ADGRA2: variants seen among roughly 807,000 people sequenced by gnomAD.
The protein encoded by ADGRA2 is G-protein coupled receptor 124.
ADGRA2 carries 61 observed loss-of-function variants against 98.7 expected under a neutral mutation model. The observed-to-expected ratio is 0.62, with a 90% CI of 0.50 to 0.76. The LOEUF is 0.76. Among genes scored for constraint, ADGRA2 ranks in the 30% least tolerant of loss-of-function variants. The probability of loss-of-function intolerance (pLI) is 0.00; values close to 1 mark genes in which losing one functional copy is unlikely to be tolerated. For missense variants in ADGRA2, 1,712 were observed against 1,860.0 expected (o/e 0.92, Z 1.46); for synonymous variants, 858 against 831.5 (o/e 1.03, Z -0.55).
At chr8:37,822,814 G>C (rs922517841) in intron 2 of ADGRA2, among the ~76,000 whole-genome samples, 1 of 151,942 alleles carries the variant, frequency 6.6e-6, no homozygotes, top group Non-Finnish European at 1.5e-5. Context: ...TCCTTTTAAT[G>C]GCCAGATAAT....
intron 2 of ADGRA2, among the ~76,000 whole-genome samples, chr8:37,823,862 C>T (rs1805192754): frequency 6.6e-6 from 1 of 152,092 alleles, no homozygotes; most frequent in African/African-American, 2.4e-5. Context: ...GATAAAATGT[C>T]TATTCAGATC....
At chr8:37,839,375 A>C in intron 15 of ADGRA2, 124 bp from the exon 16 acceptor site, 14 of 1,497,470 alleles carry the variant, frequency 9.3e-6, no homozygotes, top group Non-Finnish European at 1.3e-5. Flanking sequence ...GGCCTCTGTC[A>C]CATTCCCAAC....
chr8:37,817,783 A>G (rs1254114189), intron 2 of ADGRA2, among the ~76,000 whole-genome samples: 2 of 152,174 alleles, frequency 1.3e-5, no homozygotes, highest in Non-Finnish European at 2.9e-5. Flanking sequence ...TTGGGAGGCC[A>G]TGGCTGGCGG....
intron 2 of ADGRA2, among the ~76,000 whole-genome samples, chr8:37,826,097 G>T (rs1027744266): frequency 6.6e-6 from 1 of 152,100 alleles, no homozygotes; most frequent in Non-Finnish European, 1.5e-5. Flanking sequence ...GAGGGGGCCC[G>T]GGGAGGAAAT....
In ADGRA2 at chr8:37,829,982, T is replaced by C; in HGVS notation, c.686T>C (p.Leu229Pro). 1 of 1,597,558 alleles carries C rather than the reference T, an allele frequency of 6.3e-7. No individual in the cohort carries two copies. Among genetic ancestry groups the C allele is most frequent in the Non-Finnish European group, 8.5e-7 (1 of 1,174,856 alleles). The change falls in exon 6 of 19, where the codon CTG becomes CCG. Residue 229 changes from leucine (L) to proline (P), a missense_variant. Physicochemically the swap from Leu to Pro is moderately conservative, Grantham distance 98. Coordinates refer to ENST00000412232, the MANE Select transcript of ADGRA2 (RefSeq NM_032777.10). ...AYPSALHAQA[L>P]GSLQEAQLCC... is the part of the protein sequence containing the mutation. ...CCCAGTGCCCTGCATGCTCAGGCCC[T>C]GGGCAGCCTCCAGGAGGCCCAGCTC...
chr8:37,839,173 AC>A (rs1456825030), intron 15 of ADGRA2, 90 bp downstream of exon 15: 2 of 1,521,226 alleles, frequency 1.3e-6, no homozygotes, highest in Non-Finnish European at 1.8e-6. Flanking sequence ...TCCGGTACAT[AC>A]TTTCAATTCC....
chr8:37,817,798 C>A (rs1364327602), intron 2 of ADGRA2, among the ~76,000 whole-genome samples: 1 of 152,182 alleles, frequency 6.6e-6, no homozygotes, highest in African/African-American at 2.4e-5. Context: ...TGGCGGATCA[C>A]CTGAGGTTAG....
chr8:37,841,733 G>A lies in ADGRA2; in HGVS notation c.3395G>A (p.Gly1132Asp). 6.5e-7 allele frequency: 1 copy of A among 1,541,806 alleles called. No homozygotes were observed. Among genetic ancestry groups the A allele is most frequent in the Non-Finnish European group, 8.7e-7 (1 of 1,144,650 alleles). The change falls in exon 19 of 19, where the codon GGC (glycine) becomes GAC (aspartate). Residue 1132 changes from glycine to aspartate, a missense_variant. Gly to Asp is a moderately conservative substitution (Grantham distance 94). Coordinates refer to ENST00000412232, the MANE Select transcript of ADGRA2 (RefSeq NM_032777.10). The surrounding 1 kb of genome is among the most constrained non-coding windows in gnomAD (Gnocchi z 5.0). ...SGSSGHPLAL[G>D]PCKLTNLQLA... Reference sequence around the variant, plus strand: ...AGCAGCGGCCATCCGCTGGCTCTGGGCCCCTGCAAGCTCACCAACCTGCAG... The same window carrying A: ...AGCAGCGGCCATCCGCTGGCTCTGGACCCCTGCAAGCTCACCAACCTGCAG...
chr8:37,815,089 C>T (rs1250560833), intron 2 of ADGRA2, 122 bp downstream of exon 2: 13 of 738,262 alleles, frequency 1.8e-5, no homozygotes, highest in Middle Eastern at 3.8e-4. Flanking sequence ...GAGCAGGGCC[C>T]GGAGTTAGAC....
intron 1 of ADGRA2, among the ~76,000 whole-genome samples, chr8:37,809,963 A>G (rs1804779055): frequency 6.6e-6 from 1 of 152,112 alleles, no homozygotes; most frequent in East Asian, 1.9e-4. Flanking sequence ...TAGGTCCCCG[A>G]TCTGTCGCTC....
Position 37,830,098 on chromosome 8 carries a change from A to G in ADGRA2, c.718+84A>G. 1 of 913,604 alleles carries G rather than the reference A, an allele frequency of 1.1e-6. No individual in the cohort carries two copies. The highest frequency in any genetic ancestry group is 1.6e-6 in the Non-Finnish European group (1 of 629,708). 56.6% of individuals were successfully genotyped at this position (913,604 alleles called of 1,614,324 possible). A position where few individuals can be genotyped will look rare whatever the true frequency, so the allele number is the denominator to read the frequency against. On this transcript the variant is annotated intron_variant, in intron 6 of 18. Coordinates refer to ENST00000412232, the MANE Select transcript of ADGRA2 (RefSeq NM_032777.10). This position sits in a 1 kb window ranked among gnomAD's most constrained non-coding sequence, Gnocchi z 4.8. ...GGCCCAGACACGAGCCTCCCCTCAG[A>G]CCCACAGGTTTTTACCTTTGTATTG...
In ADGRA2 at chr8:37,823,066, A is replaced by G. The variant is rs1258677620; in HGVS notation, c.339-5822A>G. On this transcript the variant is annotated intron_variant, in intron 2 of 18. Coordinates refer to ENST00000412232, the MANE Select transcript of ADGRA2 (RefSeq NM_032777.10). Reference sequence around the variant, plus strand: ...ACTACCACACCCGGCTAATTTTTGTATTTTTAAGTAGTGACGGGGTTTCAC... The same window carrying G: ...ACTACCACACCCGGCTAATTTTTGTGTTTTTAAGTAGTGACGGGGTTTCAC... Among the ~76,000 whole-genome samples the G allele has an allele frequency of 2.0e-5, 3 of 149,630 alleles. No individual in the cohort carries two copies. The East Asian group carries it at 6.0e-4, about 30-fold the overall frequency.
intron 1 of ADGRA2, among the ~76,000 whole-genome samples, chr8:37,809,081 C>T (rs1804754052): frequency 6.6e-6 from 1 of 152,138 alleles, no homozygotes; most frequent in South Asian, 2.1e-4. Flanking sequence ...CCTTGGCCTC[C>T]CAAAAAGCTG....
At chr8:37,819,104 A>G (rs565380024) in intron 2 of ADGRA2, among the ~76,000 whole-genome samples, 7 of 152,242 alleles carry the variant, frequency 4.6e-5, no homozygotes, top group African/African-American at 1.7e-4. Flanking sequence ...TTGTCAGAAG[A>G]GCTAGGGTAG....
intron 2 of ADGRA2, among the ~76,000 whole-genome samples, chr8:37,825,090 T>C (rs537214043): frequency 6.6e-6 from 1 of 152,070 alleles, no homozygotes; most frequent in Admixed American, 6.5e-5. Context: ...CAAGGGGCAA[T>C]GGGTAGCAGG....
intron 14 of ADGRA2, 44 bp downstream of exon 14, chr8:37,837,983 G>C: frequency 7.1e-7 from 1 of 1,408,984 alleles, no homozygotes; most frequent in Non-Finnish European, 9.4e-7. Context: ...CAGGGACACG[G>C]GCTGGGTGGA....
intron 15 of ADGRA2, 59 bp downstream of exon 15, chr8:37,839,142 T>G: frequency 6.3e-7 from 1 of 1,593,306 alleles, no homozygotes; most frequent in African/African-American, 1.3e-5. Context: ...GCCCCTACCC[T>G]GTCCACTTCC....
intron 2 of ADGRA2, among the ~76,000 whole-genome samples, chr8:37,826,161 G>T (rs960976472): frequency 6.6e-6 from 1 of 152,198 alleles, no homozygotes; most frequent in Non-Finnish European, 1.5e-5. Context: ...TAAGCCCCTT[G>T]GCAGCCCATG....
At chr8:37,835,463 G>A in intron 12 of ADGRA2, 65 bp downstream of exon 12, 1 of 1,533,622 alleles carries the variant, frequency 6.5e-7, no homozygotes, top group South Asian at 1.1e-5. Context: ...TGCCTGGTGG[G>A]GGCAGTGAGA....
Sources: allele counts gnomAD v4.1 joint callset (sites outside exome capture counted in the v4.1 genomes callset), GRCh38; gene constraint gnomAD v4.1.1; non-coding constraint Gnocchi (gnomAD v3.1); transcripts MANE v1.5; gene names NCBI Gene and HGNC (gene_info 2026-07-23, HGNC 2026-07-21).